The following MPHOSPH8 variants were observed in gnomAD, a reference collection of about 807,000 sequenced individuals.
The protein encoded by MPHOSPH8 is M-phase phosphoprotein, mpp.
Under a neutral mutation model 87.3 loss-of-function variants are expected in MPHOSPH8, and 45 were observed. That is an observed-to-expected ratio of 0.52 (90% confidence interval 0.41 to 0.66). The LOEUF (loss-of-function observed/expected upper bound fraction) is 0.66, where lower values mean the gene tolerates loss of function less well. Among genes scored for constraint, MPHOSPH8 ranks in the 30% least tolerant of loss-of-function variants. The pLI, the probability that MPHOSPH8 is intolerant of heterozygous loss-of-function variation, is 0.00. For synonymous variants in MPHOSPH8, 366 were observed against 376.9 expected (o/e 0.97, Z 0.33); for missense variants, 883 against 1,020.2 (o/e 0.87, Z 1.83).
At chr13:19,650,350 CA>C in intron 5 of MPHOSPH8, 90 bp downstream of exon 5, 2 of 1,400,510 alleles carry the variant, frequency 1.4e-6, no homozygotes, top group Non-Finnish European at 1.9e-6. Context: ...TCTCAACGAT[CA>C]AAAAATAATG....
chr13:19,637,210 T>C (rs941588140), intron 1 of MPHOSPH8, among the ~76,000 whole-genome samples: 1 of 152,218 alleles, frequency 6.6e-6, no homozygotes, highest in African/African-American at 2.4e-5. Context: ...TCCTTAATAC[T>C]TGAAAATTGT....
chr13:19,643,688 C>G (rs944598360), intron 2 of MPHOSPH8, among the ~76,000 whole-genome samples: 2 of 151,998 alleles, frequency 1.3e-5, no homozygotes, highest in Admixed American at 6.6e-5. Context: ...TTCAGAGATT[C>G]TTTTATTCAA....
chr13:19,668,099 C>T (rs999384732), intron 10 of MPHOSPH8, among the ~76,000 whole-genome samples: 45 of 152,200 alleles, frequency 3.0e-4, no homozygotes, highest in Non-Finnish European at 3.2e-4. Context: ...ATGTATTAAG[C>T]ATAGACTTTG....
chr13:19,661,692 A>G lies in MPHOSPH8; in HGVS notation c.1792-6A>G. On this transcript the variant is annotated splice_polypyrimidine_tract_variant and splice_region_variant and intron_variant, in intron 7 of 13. Coordinates refer to ENST00000361479, the MANE Select transcript of MPHOSPH8 (RefSeq NM_017520.4). ...AACACGTTTTTTATTTAACAAACCA[A>G]CACAGGATTCCAGTGGAATGACACT... 1 of 1,590,044 alleles carries G rather than the reference A, an allele frequency of 6.3e-7. No homozygotes were observed. The highest frequency in any genetic ancestry group is 8.6e-7 in the Non-Finnish European group (1 of 1,164,944).
intron 1 of MPHOSPH8, among the ~76,000 whole-genome samples, chr13:19,638,141 A>G (rs1231679575): frequency 3.9e-5 from 6 of 152,096 alleles, no homozygotes; most frequent in African/African-American, 1.2e-4. Flanking sequence ...TTCCTTTTGT[A>G]TATTATTTTG....
intron 5 of MPHOSPH8, among the ~76,000 whole-genome samples, chr13:19,656,611 TTAGC>T (rs1378025196): frequency 6.6e-6 from 1 of 150,738 alleles, no homozygotes; most frequent in Non-Finnish European, 1.5e-5. Context: ...AATACAAAAA[TTAGC>T]TAGGCGTGGT....
Position 19,673,105 on chromosome 13 carries a change from T to G in MPHOSPH8, c.*1230T>G, listed in dbSNP as rs1201844292. On this transcript the variant is annotated 3_prime_UTR_variant, in exon 14 of 14. Coordinates refer to ENST00000361479, the MANE Select transcript of MPHOSPH8 (RefSeq NM_017520.4). ...CCTATACGGTTTTTTTTTGTTTTTT[T>G]TTTTTGAAAAGCCAGACCTTGTGCC... The G allele has an allele frequency of 2.0e-5, 9 of 452,512 alleles. 1 individual carries two copies. Among genetic ancestry groups the G allele is most frequent in the Admixed American group, 1.4e-4 (6 of 41,576 alleles). 28.0% of individuals were successfully genotyped at this position (452,512 alleles called of 1,614,324 possible).
intron 1 of MPHOSPH8, 99 bp downstream of exon 1, chr13:19,634,060 CG>C: frequency 8.0e-7 from 1 of 1,248,068 alleles, no homozygotes; most frequent in Middle Eastern, 2.0e-4. Context: ...AAAACAGGAG[CG>C]GGGGAGGAAT....
At chr13:19,656,031 G>A (rs1875145168) in intron 5 of MPHOSPH8, among the ~76,000 whole-genome samples, 1 of 152,084 alleles carries the variant, frequency 6.6e-6, no homozygotes, top group Admixed American at 6.5e-5. Context: ...ATCCGGGAAG[G>A]TGGAGGTTAC....
At chr13:19,652,714 A>C (rs1386923916) in intron 5 of MPHOSPH8, among the ~76,000 whole-genome samples, 1 of 152,164 alleles carries the variant, frequency 6.6e-6, no homozygotes, top group East Asian at 1.9e-4. Flanking sequence ...CAGCAGTCTG[A>C]GATCAATCTG....
At chr13:19,646,119 G>C (rs1373703840) in intron 2 of MPHOSPH8, among the ~76,000 whole-genome samples, 3 of 152,072 alleles carry the variant, frequency 2.0e-5, no homozygotes, top group Non-Finnish European at 4.4e-5. Flanking sequence ...TACTTTCTTG[G>C]TGGTTTTGGA....
rs1874578178 is a variant in MPHOSPH8 at position 19,646,635 on chromosome 13, A to C, written c.562A>C (p.Ser188Arg). 9 of 1,588,904 alleles carry C rather than the reference A, an allele frequency of 5.7e-6. No individual in the cohort carries two copies. Among genetic ancestry groups the C allele is most frequent in the Non-Finnish European group, 6.8e-6 (8 of 1,174,312 alleles). The change falls in exon 3 of 14, where the codon AGC becomes CGC. Residue 188 changes from serine (S) to arginine (R), a missense_variant. Ser to Arg is a moderately radical substitution (Grantham distance 110). Transcript: ENST00000361479. ...AGACAAGTCCAAACCAGACCTGGAG[A>C]GCTCCTTGGAAAGTTTAGTTTTTGA... ...LKDKSKPDLE[S>R]SLESLVFDLR...
chr13:19,662,084 A>AC (rs1053430185), intron 8 of MPHOSPH8, among the ~76,000 whole-genome samples: 1 of 151,624 alleles, frequency 6.6e-6, no homozygotes, highest in South Asian at 2.1e-4. Context: ...ACAGGCAGGT[A>AC]CCTGCCACCA....
chr13:19,656,156 G>C (rs953958197), intron 5 of MPHOSPH8, among the ~76,000 whole-genome samples: 3 of 151,736 alleles, frequency 2.0e-5, no homozygotes, highest in Non-Finnish European at 4.4e-5. Flanking sequence ...GCACATACCT[G>C]TAGTCCCAGC....
In MPHOSPH8 at chr13:19,661,773, A is replaced by C; in HGVS notation, c.1867A>C (p.Lys623Gln). Residue 623 changes from lysine to glutamine, a missense_variant, in exon 8 of 14, where the codon AAA (lysine) becomes CAA (glutamine). Transcript: ENST00000361479. ...CGACCTCCTGCGACTCCTCATCACAAAAGGCGCGAAAGTGAACGGTCGGCA... is the reference window on the plus strand; with the variant it reads ...CGACCTCCTGCGACTCCTCATCACACAAGGCGCGAAAGTGAACGGTCGGCA... ...QDDLLRLLIT[K>Q]GAKVNGRQKN... The C allele has an allele frequency of 6.2e-7, 1 of 1,613,322 alleles. No individual in the cohort carries two copies. The highest frequency in any genetic ancestry group is 8.5e-7 in the Non-Finnish European group (1 of 1,179,646).
intron 7 of MPHOSPH8, 59 bp from the exon 8 acceptor site, chr13:19,661,639 G>T: frequency 2.0e-6 from 3 of 1,495,624 alleles, no homozygotes; most frequent in Middle Eastern, 1.8e-4. Context: ...GAGAAGACTT[G>T]GTTCTGAAAT....
At chr13:19,651,133 T>C (rs981432572) in intron 5 of MPHOSPH8, among the ~76,000 whole-genome samples, 5 of 152,236 alleles carry the variant, frequency 3.3e-5, no homozygotes, top group African/African-American at 9.6e-5. Flanking sequence ...TGACACAGTT[T>C]GTTGAGAACA....
Position 19,658,876 on chromosome 13 carries a change from G to A in MPHOSPH8, c.1577-119G>A, listed in dbSNP as rs984135324. The A allele has an allele frequency of 8.8e-6, 11 of 1,248,518 alleles. No individual in the cohort carries two copies. In the African/African-American group the frequency reaches 1.5e-4, roughly 17 times the overall value. The allele number at this position is 1,248,518 out of a possible 1,614,324, so 77.3% of individuals were successfully genotyped here. ...CAATTAAAAGACCCCATTATACAAT[G>A]ACTTGTGTTAAAAGTGTACATAAAG... On this transcript the variant is annotated intron_variant, in intron 5 of 13. Transcript: ENST00000361479.
In MPHOSPH8 at chr13:19,673,108, T is replaced by C. The variant is rs776405257; in HGVS notation, c.*1233T>C. The C allele has an allele frequency of 1.1e-5, 5 of 451,850 alleles. No homozygotes were observed. The highest frequency in any genetic ancestry group is 7.8e-5 in the South Asian group (5 of 64,090). The allele number at this position is 451,850 out of a possible 1,614,324, so 28.0% of individuals were successfully genotyped here. A position where few individuals can be genotyped will look rare whatever the true frequency, so the allele number is the denominator to read the frequency against. On this transcript the variant is annotated 3_prime_UTR_variant, in exon 14 of 14. Coordinates refer to ENST00000361479, the MANE Select transcript of MPHOSPH8 (RefSeq NM_017520.4). ...ATACGGTTTTTTTTTGTTTTTTTTT[T>C]TTGAAAAGCCAGACCTTGTGCCCTT...
Sources: gnomAD v4.1 joint callset for allele counts (sites outside exome capture counted in the v4.1 genomes callset) on GRCh38, gnomAD v4.1.1 for gene constraint, MANE v1.5 for transcripts, NCBI Gene and HGNC (gene_info 2026-07-23, HGNC 2026-07-21) for gene names.